Variants in NHSL1 observed in about 807,000 individuals in gnomAD.
NHSL1 encodes NHS like 1.
Under a neutral mutation model 95.0 loss-of-function variants are expected in NHSL1, and 48 were observed. That is an observed-to-expected ratio of 0.51 (90% CI 0.40 to 0.64). The LOEUF is 0.64. NHSL1 is among the 30% of genes least tolerant of loss of function. The probability of loss-of-function intolerance (pLI) is 0.00; values close to 1 mark genes in which losing one functional copy is unlikely to be tolerated. For synonymous variants in NHSL1, 783 were observed against 833.9 expected, an observed-to-expected ratio of 0.94 and a Z score of 1.05; for missense variants, 1,971 against 2,077.7, an observed-to-expected ratio of 0.95 and a Z score of 1.00.
chr6:138,512,268 G>A (rs1403249581), intron 1 of NHSL1: 13 of 455,252 alleles, frequency 2.9e-5, no homozygotes, highest in Non-Finnish European at 5.7e-5. Context: ...TTTCTGAAGA[G>A]AGATACTCAC....
intron 3 of NHSL1, among the ~76,000 whole-genome samples, chr6:138,460,183 T>C (rs1777898893): frequency 6.6e-6 from 1 of 152,208 alleles, no homozygotes; most frequent in African/African-American, 2.4e-5. Context: ...CAAGACCATC[T>C]GGGCTTGGCA....
chr6:138,472,732 A>G (rs536504893), intron 3 of NHSL1, among the ~76,000 whole-genome samples: 5 of 152,242 alleles, frequency 3.3e-5, no homozygotes, highest in South Asian at 4.1e-4. Flanking sequence ...TGGTTTGTGC[A>G]TATCACCAGA....
intron 3 of NHSL1, among the ~76,000 whole-genome samples, chr6:138,458,463 A>G (rs2128231521): frequency 6.6e-6 from 1 of 152,182 alleles, no homozygotes; most frequent in East Asian, 1.9e-4. Flanking sequence ...AGGCCAAGGT[A>G]GGTGGATCAC....
At chr6:138,621,149 C>T (rs1192368054) in intron 1 of NHSL1, among the ~76,000 whole-genome samples, 1 of 152,186 alleles carries the variant, frequency 6.6e-6, no homozygotes, top group African/African-American at 2.4e-5. Flanking sequence ...GTTGAGAAAC[C>T]TGAAGACGGA....
intron 5 of NHSL1, chr6:138,435,325 G>T (rs2128205823): frequency 6.5e-6 from 1 of 153,566 alleles, no homozygotes; most frequent in South Asian, 2.1e-4. Context: ...TTTCAAAATT[G>T]TACTAGTTTT....
chr6:138,468,723 G>A (rs1398864095), intron 3 of NHSL1, among the ~76,000 whole-genome samples: 1 of 152,212 alleles, frequency 6.6e-6, no homozygotes, highest in African/African-American at 2.4e-5. Flanking sequence ...ATCCCATCTA[G>A]CCTAGGTGTG....
intron 3 of NHSL1, among the ~76,000 whole-genome samples, chr6:138,459,257 G>T (rs1777837476): frequency 1.3e-5 from 2 of 152,206 alleles, no homozygotes; most frequent in South Asian, 4.2e-4. Flanking sequence ...CAAAGTGCTG[G>T]TATTACAGGC....
At chr6:138,552,418 C>T (rs1783043149) in intron 1 of NHSL1, among the ~76,000 whole-genome samples, 1 of 151,952 alleles carries the variant, frequency 6.6e-6, no homozygotes. Flanking sequence ...AGGCTCCATC[C>T]CCCAGGAGAT....
At chr6:138,489,981 A>AGG (rs1159854350) in intron 2 of NHSL1, among the ~76,000 whole-genome samples, 9 of 103,182 alleles carry the variant, frequency 8.7e-5, no homozygotes, top group Non-Finnish European at 7.7e-5. Context: ...AGAGGGGGAG[A>AGG]GGGGGAGAGA....
At chr6:138,474,322 C>A (rs1379051303) in intron 2 of NHSL1, among the ~76,000 whole-genome samples, 1 of 152,156 alleles carries the variant, frequency 6.6e-6, no homozygotes, top group African/African-American at 2.4e-5. Flanking sequence ...CTTTGCATAG[C>A]TTTATAAAAA....
At chr6:138,441,624 G>A (rs1403947060) in intron 5 of NHSL1, among the ~76,000 whole-genome samples, 2 of 152,198 alleles carry the variant, frequency 1.3e-5, no homozygotes, top group Non-Finnish European at 2.9e-5. Context: ...GTCCTAGAAT[G>A]ACTTCTGTTT....
chr6:138,549,888 C>G (rs187119146), upstream of NHSL1, among the ~76,000 whole-genome samples: 27 of 152,152 alleles, frequency 1.8e-4, no homozygotes, highest in Admixed American at 1.5e-3. Context: ...TAACCTCGAG[C>G]AATGACAACA....
At chr6:138,462,527 T>A (rs1778064684) in intron 3 of NHSL1, among the ~76,000 whole-genome samples, 1 of 152,180 alleles carries the variant, frequency 6.6e-6, no homozygotes, top group South Asian at 2.1e-4. Context: ...CACAGTGGGA[T>A]CACATTTCAA....
rs1245117570 is a variant in NHSL1, at chr6:138,431,771, T to C, written c.2574A>G (p.Thr858=). Reference sequence around the variant, plus strand: ...CAGGCACAGGGGTGAGTGCTGTGGGTGTATTCGACTGGCTGGAATACCCAC... The same window carrying C: ...CAGGCACAGGGGTGAGTGCTGTGGGCGTATTCGACTGGCTGGAATACCCAC... The part of the protein sequence containing the change: ...PSSGYSSQSN[T]PTALTPVPVF... Residue 858 remains threonine (T), a synonymous_variant, in exon 6 of 8, where the codon ACA becomes ACG. Transcript: ENST00000343505. The surrounding 1 kb of genome is among the most constrained non-coding windows in gnomAD (Gnocchi z 4.0). 3 of 1,551,454 alleles carry C rather than the reference T, an allele frequency of 1.9e-6. No individual in the cohort carries two copies. In the African/African-American group the frequency reaches 4.1e-5, roughly 21 times the overall value.
At chr6:138,548,045 C>G (rs1007468385), upstream of NHSL1, among the ~76,000 whole-genome samples, 2 of 152,158 alleles carry the variant, frequency 1.3e-5, no homozygotes, top group African/African-American at 4.8e-5. Context: ...TGCAGTGGCA[C>G]GATCTTGGCT....
intron 2 of NHSL1, among the ~76,000 whole-genome samples, chr6:138,484,432 G>A (rs1206596807): frequency 3.3e-5 from 5 of 152,114 alleles, no homozygotes; most frequent in Middle Eastern, 3.2e-3. Flanking sequence ...CATTTACAAT[G>A]TAAATATACA....
intron 1 of NHSL1, among the ~76,000 whole-genome samples, chr6:138,552,192 A>G (rs6903242): frequency 0.42 from 64,132 of 151,986 alleles, 15,300 homozygotes; most frequent in African/African-American, 0.65. Context: ...AGGCCGAGGC[A>G]GGCGGATCAC....
Position 138,424,621 on chromosome 6 carries a change from G to A in NHSL1, c.4281C>T (p.Gly1427=). The part of the protein sequence containing the change: ...DNFKALLLKK[G]SRSDTSARMS... ...TGCGGGCGCTGGTGTCTGAACGACT[G>A]CCCTTTTTCAGCAGCAGAGCTTTGA... The change falls in exon 8 of 8, where the codon GGC becomes GGT. Residue 1427 remains glycine, a synonymous_variant. Transcript: ENST00000343505. This position sits in a 1 kb window ranked among gnomAD's most constrained non-coding sequence, Gnocchi z 5.9. The A allele has an allele frequency of 6.4e-7, 1 of 1,551,626 alleles. No homozygotes were observed. The highest frequency in any genetic ancestry group is 1.4e-5 in the African/African-American group (1 of 73,158).
chr6:138,437,435 C>A (rs1562270777), intron 5 of NHSL1, among the ~76,000 whole-genome samples: 2 of 39,442 alleles, frequency 5.1e-5, no homozygotes, highest in Non-Finnish European at 1.0e-4. Context: ...CACACACACA[C>A]ACACACACAC....
Sources: allele counts gnomAD v4.1 joint callset (sites outside exome capture counted in the v4.1 genomes callset), GRCh38; gene constraint gnomAD v4.1.1; non-coding constraint Gnocchi (gnomAD v3.1); transcripts MANE v1.5; gene names NCBI Gene and HGNC (gene_info 2026-07-23, HGNC 2026-07-21).